Variants in RBM47 observed in about 807,000 individuals in gnomAD.
RBM47 encodes the protein RNA-binding protein 47.
A neutral mutation model predicts 47.1 loss-of-function variants in RBM47; 21 were observed. That is an observed-to-expected ratio of 0.45 (90% CI 0.32 to 0.64). The LOEUF (loss-of-function observed/expected upper bound fraction) is 0.64. Among genes scored for constraint, RBM47 ranks in the 30% least tolerant of loss-of-function variants. RBM47 has a pLI of 0.05. For missense variants in RBM47, 708 were observed against 870.9 expected (o/e 0.81, Z 2.35); for synonymous variants, 375 against 361.7 (o/e 1.04, Z -0.42).
intron 6 of RBM47, 122 bp downstream of exon 6, chr4:40,432,529 C>T (rs1716315772): frequency 1.3e-6 from 2 of 1,506,382 alleles, no homozygotes; most frequent in East Asian, 2.3e-5. Context: ...CTTTGTGTCA[C>T]CCAACCATAG....
At chr4:40,571,499 G>C (rs191701366) in intron 1 of RBM47, among the ~76,000 whole-genome samples, 2 of 152,098 alleles carry the variant, frequency 1.3e-5, no homozygotes, top group Admixed American at 6.5e-5. Context: ...AACCACAAAG[G>C]TTCTACAAGA....
At chr4:40,494,406 G>A (rs1722295779) in intron 2 of RBM47, among the ~76,000 whole-genome samples, 1 of 152,214 alleles carries the variant, frequency 6.6e-6, no homozygotes, top group South Asian at 2.1e-4. Flanking sequence ...AAGTTTGTCA[G>A]TAGAGACAAG....
chr4:40,437,955 G>C lies in RBM47; in HGVS notation c.939C>G (p.Val313=), dbSNP rs146064600. ...GTELEGSCLE[V]TLAKPVDKEQ... ...CCTTGTCCACGGGCTTGGCCAGCGT[G>C]ACCTCCAGGCACGAGCCCTCCAGCT... is the stretch of plus-strand genomic sequence containing the variant. The change falls in exon 4 of 7, where the codon GTC becomes GTG. Residue 313 remains valine (V), a synonymous_variant. Transcript: ENST00000295971. 2.5e-6 allele frequency: 4 copies of C among 1,613,400 alleles called. No individual in the cohort carries two copies. The highest frequency in any genetic ancestry group is 3.4e-6 in the Non-Finnish European group (4 of 1,179,952).
At chr4:40,491,373 A>C (rs1721847982) in intron 2 of RBM47, among the ~76,000 whole-genome samples, 1 of 152,218 alleles carries the variant, frequency 6.6e-6, no homozygotes, top group Non-Finnish European at 1.5e-5. Context: ...AAACTCTTGG[A>C]AGAAAACATG....
intron 5 of RBM47, among the ~76,000 whole-genome samples, chr4:40,434,005 GTGT>G (rs779632335): frequency 0.22 from 14,226 of 64,096 alleles, 3,036 homozygotes; most frequent in South Asian, 0.32. Context: ...GGGCGGGGGT[GTGT>G]GTGTGTGTGT....
At chr4:40,621,739 TCAAA>T (rs1354982374) in intron 1 of RBM47, among the ~76,000 whole-genome samples, 3 of 152,196 alleles carry the variant, frequency 2.0e-5, no homozygotes, top group Admixed American at 2.0e-4. Flanking sequence ...ACAAAATGGT[TCAAA>T]CAGAGGGCTA....
intron 2 of RBM47, among the ~76,000 whole-genome samples, chr4:40,525,373 G>A (rs1223044840): frequency 6.6e-6 from 1 of 152,120 alleles, no homozygotes; most frequent in Non-Finnish European, 1.5e-5. Context: ...CACGAGAATC[G>A]CTTGAACCCA....
intron 1 of RBM47, among the ~76,000 whole-genome samples, chr4:40,554,083 AC>A (rs140782813): frequency 0.036 from 5,534 of 152,092 alleles, 359 homozygotes; most frequent in African/African-American, 0.13. Context: ...CATCTCCGCA[AC>A]CCCAGGACCC....
At chr4:40,618,964 AC>A (rs1470421665) in intron 1 of RBM47, among the ~76,000 whole-genome samples, 1 of 152,036 alleles carries the variant, frequency 6.6e-6, no homozygotes, top group Non-Finnish European at 1.5e-5. Context: ...ACAGCCAGCA[AC>A]ACAGATCAGA....
chr4:40,563,515 G>C (rs1041440944), intron 1 of RBM47, among the ~76,000 whole-genome samples: 1 of 152,228 alleles, frequency 6.6e-6, no homozygotes, highest in African/African-American at 2.4e-5. Flanking sequence ...ATATCAGCTA[G>C]TTGATCTAGA....
chr4:40,549,108 T>TG (rs1553900131), intron 1 of RBM47, among the ~76,000 whole-genome samples: 16 of 139,462 alleles, frequency 1.1e-4, no homozygotes, highest in South Asian at 4.5e-4. Context: ...TTCTTTTTTT[T>TG]TGGGGGGGGG....
chr4:40,517,824 G>A (rs1011060274), intron 2 of RBM47, among the ~76,000 whole-genome samples: 1 of 152,124 alleles, frequency 6.6e-6, no homozygotes, highest in Non-Finnish European at 1.5e-5. Flanking sequence ...CTACTTACTA[G>A]CATTTCCATT....
chr4:40,603,017 C>T (rs958560497), intron 1 of RBM47, among the ~76,000 whole-genome samples: 3 of 152,046 alleles, frequency 2.0e-5, no homozygotes, highest in African/African-American at 7.3e-5. Context: ...AGTCAGATCC[C>T]ATCTTTAAAA....
chr4:40,526,098 T>C (rs1287358944), intron 2 of RBM47, among the ~76,000 whole-genome samples: 1 of 152,222 alleles, frequency 6.6e-6, no homozygotes, highest in African/African-American at 2.4e-5. Flanking sequence ...TCATGGGACC[T>C]TCAGAATTCA....
intron 1 of RBM47, among the ~76,000 whole-genome samples, chr4:40,570,597 CT>C (rs1469767989): frequency 2.6e-5 from 4 of 151,788 alleles, no homozygotes; most frequent in African/African-American, 9.7e-5. Flanking sequence ...CCTGGAACCC[CT>C]GATCTAAAGG....
At chr4:40,484,405 T>C (rs532024673) in intron 2 of RBM47, among the ~76,000 whole-genome samples, 120 of 152,336 alleles carry the variant, frequency 7.9e-4, no homozygotes, top group Non-Finnish European at 1.5e-3. Context: ...CTTCCTGATT[T>C]AGTTCAGCAC....
At chr4:40,444,746 T>C (rs1348123532) in intron 3 of RBM47, among the ~76,000 whole-genome samples, 2 of 151,438 alleles carry the variant, frequency 1.3e-5, no homozygotes, top group Admixed American at 6.6e-5. Flanking sequence ...CTCACTGCAA[T>C]CTCCACCTCC....
chr4:40,464,916 A>G (rs13103527), intron 3 of RBM47, among the ~76,000 whole-genome samples: 1 of 143,274 alleles, frequency 7.0e-6, no homozygotes, highest in Non-Finnish European at 1.5e-5. Flanking sequence ...AAAAAAAAAA[A>G]GGAAAAGAAA....
At chr4:40,481,437 T>A (rs1720375705) in intron 2 of RBM47, among the ~76,000 whole-genome samples, 2 of 141,730 alleles carry the variant, frequency 1.4e-5, no homozygotes, top group Admixed American at 1.4e-4. Flanking sequence ...CATTCCCTGC[T>A]AATTTTTGTA....
Sources: allele counts gnomAD v4.1 joint callset (sites outside exome capture counted in the v4.1 genomes callset), GRCh38; gene constraint gnomAD v4.1.1; transcripts MANE v1.5; gene names NCBI Gene and HGNC (gene_info 2026-07-23, HGNC 2026-07-21).